The following ERC2 variants were observed in gnomAD, a reference collection of about 807,000 sequenced individuals.
ERC2 encodes ERC protein 2.
ERC2 carries 42 observed loss-of-function variants against 114.8 expected under a neutral mutation model. That is an observed-to-expected ratio of 0.37 (90% CI 0.29 to 0.47). The LOEUF (loss-of-function observed/expected upper bound fraction) is 0.47, where lower values mean the gene tolerates loss of function less well. ERC2 is among the 20% of genes least tolerant of loss of function. ERC2 has a pLI of 0.99. For missense variants in ERC2, 939 were observed against 1,150.7 expected (o/e 0.82, Z 2.66); for synonymous variants, 454 against 425.5 (o/e 1.07, Z -0.82).
chr3:56,006,063 T>C (rs1232026118), intron 10 of ERC2, among the ~76,000 whole-genome samples: 1 of 152,064 alleles, frequency 6.6e-6, no homozygotes, highest in East Asian at 1.9e-4. Context: ...TTTTGCAATA[T>C]AGAGATTTTC....
intron 14 of ERC2, among the ~76,000 whole-genome samples, chr3:55,799,617 T>C (rs1002010767): frequency 6.6e-6 from 1 of 151,914 alleles, no homozygotes; most frequent in Non-Finnish European, 1.5e-5. Context: ...GAGGTTAGGA[T>C]ACTTTCCTAT....
At chr3:55,652,859 C>CAAAAAAAAAAAAAAAAAAAAAAACAAAA (rs2060692953) in intron 17 of ERC2, among the ~76,000 whole-genome samples, 1 of 74,378 alleles carries the variant, frequency 1.3e-5, no homozygotes, top group Non-Finnish European at 2.6e-5. Context: ...GACTCTGTCT[C>CAAAAAAAAAAAAAAAAAAAAAAACAAAA]AAAAAAAAAA....
chr3:56,285,983 C>A (rs2054672540), intron 3 of ERC2, among the ~76,000 whole-genome samples: 1 of 152,162 alleles, frequency 6.6e-6, no homozygotes, highest in African/African-American at 2.4e-5. Context: ...AGTCTTTGTT[C>A]ACAGTCCCTT....
chr3:56,012,346 C>G (rs2073010277), intron 8 of ERC2, among the ~76,000 whole-genome samples: 1 of 152,114 alleles, frequency 6.6e-6, no homozygotes, highest in Non-Finnish European at 1.5e-5. Context: ...GAAACCTTCC[C>G]AGGAATCCCT....
chr3:56,275,046 A>G (rs2053904700), intron 3 of ERC2, among the ~76,000 whole-genome samples: 1 of 151,992 alleles, frequency 6.6e-6, no homozygotes, highest in Admixed American at 6.6e-5. Context: ...CACCTTTCCC[A>G]CCTTTAGATT....
intron 11 of ERC2, among the ~76,000 whole-genome samples, chr3:55,987,166 C>A (rs1325724491): frequency 6.6e-6 from 1 of 151,988 alleles, no homozygotes; most frequent in Non-Finnish European, 1.5e-5. Flanking sequence ...ATCTGAAATC[C>A]CCCTGCAGAG....
Position 56,464,981 on chromosome 3 carries a change from T to C in ERC2, c.-141+3267A>G, listed in dbSNP as rs186405787. ...CAAAGTCAAAGACTCTTTAGGTAAATTTGTGGACTGCAATACCATTCACCT... is the reference window on the plus strand; with the variant it reads ...CAAAGTCAAAGACTCTTTAGGTAAACTTGTGGACTGCAATACCATTCACCT... On this transcript the variant is annotated intron_variant, in intron 1 of 17. Coordinates refer to ENST00000288221, the MANE Select transcript of ERC2 (RefSeq NM_015576.3). Among the ~76,000 whole-genome samples the C allele has an allele frequency of 2.0e-5, 3 of 152,300 alleles. No individual in the cohort carries two copies. In the East Asian group the frequency reaches 5.8e-4, roughly 29 times the overall value.
intron 3 of ERC2, among the ~76,000 whole-genome samples, chr3:56,193,866 T>C (rs180897957): frequency 3.3e-5 from 5 of 152,316 alleles, no homozygotes; most frequent in Admixed American, 2.6e-4. Flanking sequence ...AGTAAAAGCG[T>C]GGCAATAAAA....
chr3:56,050,236 A>G (rs1265621859), intron 7 of ERC2, among the ~76,000 whole-genome samples: 2 of 152,208 alleles, frequency 1.3e-5, no homozygotes, highest in South Asian at 2.1e-4. Context: ...CTAGTAAAAC[A>G]TGCTTATATT....
intron 6 of ERC2, among the ~76,000 whole-genome samples, chr3:56,128,805 A>G (rs1463809131): frequency 6.6e-6 from 1 of 152,196 alleles, no homozygotes; most frequent in African/African-American, 2.4e-5. Context: ...GGGCTGGGCA[A>G]AGGAGTCACA....
At chr3:55,616,310 T>A (rs2362848) in intron 17 of ERC2, among the ~76,000 whole-genome samples, 40,142 of 151,842 alleles carry the variant, frequency 0.26, 5,655 homozygotes, top group East Asian at 0.64. Context: ...AGGAAAGGAG[T>A]TCCATTGGCC....
intron 14 of ERC2, among the ~76,000 whole-genome samples, chr3:55,860,709 T>C (rs918233995): frequency 1.3e-5 from 2 of 152,204 alleles, no homozygotes; most frequent in African/African-American, 4.8e-5. Flanking sequence ...TGAGTAGGAA[T>C]TGCTGATCAA....
At chr3:55,692,752 T>A (rs763215134) in intron 16 of ERC2, among the ~76,000 whole-genome samples, 3 of 152,352 alleles carry the variant, frequency 2.0e-5, no homozygotes, top group Admixed American at 2.0e-4. Flanking sequence ...ACTGTAAGCA[T>A]CTGCCTATAT....
intron 6 of ERC2, among the ~76,000 whole-genome samples, chr3:56,096,319 C>T (rs963876483): frequency 7.9e-5 from 12 of 152,114 alleles, no homozygotes; most frequent in Non-Finnish European, 1.3e-4. Flanking sequence ...TAGCTAATGC[C>T]TAGGAGGCAT....
At chr3:56,121,672 T>C (rs2149858845) in intron 6 of ERC2, among the ~76,000 whole-genome samples, 1 of 152,344 alleles carries the variant, frequency 6.6e-6, no homozygotes, top group African/African-American at 2.4e-5. Context: ...CTTTTGCATG[T>C]TTAATTAAAA....
At chr3:55,669,819 C>T (rs535150429) in intron 17 of ERC2, among the ~76,000 whole-genome samples, 1 of 152,284 alleles carries the variant, frequency 6.6e-6, no homozygotes, top group East Asian at 1.9e-4. Flanking sequence ...TTCCCTTGGC[C>T]GTGTGTGCCA....
At chr3:56,071,411 G>C (rs986006121) in intron 7 of ERC2, among the ~76,000 whole-genome samples, 1 of 152,236 alleles carries the variant, frequency 6.6e-6, no homozygotes. Flanking sequence ...GAGAAATGAA[G>C]AGGTTGGACT....
At chr3:56,080,722 G>A (rs17825159) in intron 7 of ERC2, 95 bp downstream of exon 7, 223,130 of 1,267,892 alleles carry the variant, frequency 0.18, 20,991 homozygotes, top group African/African-American at 0.3. Flanking sequence ...CTAAAGATTC[G>A]TAAAAGATCA....
At chr3:55,939,642 C>T (rs889929323) in intron 13 of ERC2, among the ~76,000 whole-genome samples, 12 of 152,312 alleles carry the variant, frequency 7.9e-5, no homozygotes, top group African/African-American at 2.9e-4. Context: ...TATATCAACC[C>T]TCTTTTAGTC....
Sources: gnomAD v4.1 joint callset for allele counts (sites outside exome capture counted in the v4.1 genomes callset) on GRCh38, gnomAD v4.1.1 for gene constraint, MANE v1.5 for transcripts, NCBI Gene and HGNC (gene_info 2026-07-23, HGNC 2026-07-21) for gene names.